Variants in SEPTIN14 observed in about 807,000 individuals in gnomAD.
SEPTIN14 encodes septin 14.
SEPTIN14 carries 40 observed loss-of-function variants against 53.6 expected under a neutral mutation model. The observed-to-expected ratio is 0.75, with a 90% CI of 0.58 to 0.97. The LOEUF is 0.97. SEPTIN14 is among the 50% of genes least tolerant of loss of function. The pLI is 0.00. For missense variants in SEPTIN14, 471 were observed against 508.2 expected (o/e 0.93, Z 0.70); for synonymous variants, 138 against 166.8 (o/e 0.83, Z 1.33).
At chr7:55,800,613 G>A (rs1788508510) in intron 9 of SEPTIN14, among the ~76,000 whole-genome samples, 1 of 144,390 alleles carries the variant, frequency 6.9e-6, no homozygotes, top group Non-Finnish European at 1.5e-5. Flanking sequence ...GACAGAGCGA[G>A]ACTTTGTCTC....
chr7:55,803,213 T>C (rs969052284), intron 9 of SEPTIN14, among the ~76,000 whole-genome samples: 10 of 152,122 alleles, frequency 6.6e-5, no homozygotes, highest in South Asian at 4.1e-4. Flanking sequence ...GCTGGGATTA[T>C]AGGCGAGAGC....
intron 5 of SEPTIN14, 112 bp from the exon 6 acceptor site, chr7:55,834,698 AGGG>A: frequency 2.6e-6 from 2 of 766,470 alleles, no homozygotes; most frequent in Non-Finnish European, 4.1e-6. Flanking sequence ...GCTGGAGTGC[AGGG>A]GCACGATCTC....
At chr7:55,860,096 T>C (rs557901135) in intron 2 of SEPTIN14, among the ~76,000 whole-genome samples, 7 of 144,758 alleles carry the variant, frequency 4.8e-5, no homozygotes, top group Non-Finnish European at 1.1e-4. Flanking sequence ...GGAGAATCAA[T>C]TGAACCTGGG....
chr7:55,836,324 A>G (rs191528242), intron 5 of SEPTIN14, among the ~76,000 whole-genome samples: 6 of 152,328 alleles, frequency 3.9e-5, no homozygotes, highest in African/African-American at 2.4e-5. Context: ...TATTACTGTT[A>G]AAATATCTTA....
intron 7 of SEPTIN14, among the ~76,000 whole-genome samples, chr7:55,811,761 A>G (rs939788415): frequency 6.6e-6 from 1 of 150,728 alleles, no homozygotes; most frequent in Non-Finnish European, 1.5e-5. Flanking sequence ...AGCCTCCTAA[A>G]GCACTGGGAT....
chr7:55,811,153 C>T, intron 7 of SEPTIN14: 2 of 495,140 alleles, frequency 4.0e-6, no homozygotes, highest in Admixed American at 4.6e-5. Flanking sequence ...GCTGCCTCTT[C>T]CAAGCCCTGT....
chr7:55,828,366 G>A (rs535308971), intron 6 of SEPTIN14, among the ~76,000 whole-genome samples: 10 of 148,102 alleles, frequency 6.8e-5, no homozygotes, highest in Non-Finnish European at 1.3e-4. Flanking sequence ...GTGCAGTGGC[G>A]CCATCTCAGC....
chr7:55,842,403 C>A (rs1224879802), intron 5 of SEPTIN14, among the ~76,000 whole-genome samples: 1 of 151,708 alleles, frequency 6.6e-6, no homozygotes, highest in African/African-American at 2.4e-5. Flanking sequence ...GCCAGAAGTT[C>A]AAGTTCAGCC....
intron 2 of SEPTIN14, among the ~76,000 whole-genome samples, chr7:55,857,588 T>TGTAGAACAAAAAATAA: frequency 1.6e-5 from 1 of 61,838 alleles, no homozygotes; most frequent in African/African-American, 6.8e-5. Context: ...GTGTCTTTTT[T>TGTAGAACAAAAAATAA]TTTTTTTTTT....
At chr7:55,842,546 T>A (rs1489916031) in intron 5 of SEPTIN14, among the ~76,000 whole-genome samples, 1 of 150,166 alleles carries the variant, frequency 6.7e-6, no homozygotes, top group East Asian at 2.0e-4. Context: ...GAGGCTGCAG[T>A]GAGCTATGAT....
intron 7 of SEPTIN14, among the ~76,000 whole-genome samples, chr7:55,809,770 T>TAA (rs71561969): frequency 6.6e-5 from 8 of 121,750 alleles, no homozygotes; most frequent in African/African-American, 1.8e-4. Context: ...AAATAAAAAT[T>TAA]AAAAAAAAAA....
At chr7:55,830,345 A>ACATTT (rs1554330066) in intron 6 of SEPTIN14, among the ~76,000 whole-genome samples, 2 of 40,104 alleles carry the variant, frequency 5.0e-5, no homozygotes, top group African/African-American at 3.9e-4. Flanking sequence ...ATATATATAT[A>ACATTT]TATATTTTTT....
At chr7:55,814,972 A>G (rs1231084424) in intron 7 of SEPTIN14, among the ~76,000 whole-genome samples, 1 of 152,166 alleles carries the variant, frequency 6.6e-6, no homozygotes, top group Non-Finnish European at 1.5e-5. Context: ...AGAATAGCGA[A>G]CCCAGAAATA....
At chr7:55,826,279 T>C (rs1368717408) in intron 6 of SEPTIN14, among the ~76,000 whole-genome samples, 1 of 152,210 alleles carries the variant, frequency 6.6e-6, no homozygotes, top group African/African-American at 2.4e-5. Flanking sequence ...CAGAACTTAC[T>C]GATTTTGCAA....
chr7:55,826,988 G>T (rs2116013037), intron 6 of SEPTIN14, among the ~76,000 whole-genome samples: 1 of 152,132 alleles, frequency 6.6e-6, no homozygotes, highest in Non-Finnish European at 1.5e-5. Context: ...CTGTGTGGGG[G>T]CCAGCCTGCC....
intron 6 of SEPTIN14, among the ~76,000 whole-genome samples, chr7:55,830,321 GTATATATATA>G (rs746498199): frequency 0.016 from 1,391 of 84,712 alleles, 93 homozygotes; most frequent in African/African-American, 0.065. Flanking sequence ...TTATCCAACT[GTATATATATA>G]TATATATATA....
chr7:55,852,768 A>G (rs1186707613), intron 2 of SEPTIN14, among the ~76,000 whole-genome samples: 2 of 152,228 alleles, frequency 1.3e-5, no homozygotes, highest in African/African-American at 4.8e-5. Flanking sequence ...TGAATGGGAG[A>G]AAATATTTGC....
Position 55,805,326 on chromosome 7 carries a change from C to A in SEPTIN14, c.1051G>T (p.Glu351Ter). ...CGCTGCATAAATCTCTGTTTCAACT[C>A]TTCTTCTTCCCTCTGACATTGATCA... ...FYDQCQREEE[E>*]LKQRFMQRVK... The change falls in exon 9 of 10, where the codon GAG (glutamate) becomes TAG (stop). Residue 351 changes from glutamate (E) to a stop codon, truncating the protein, a stop_gained. Transcript: ENST00000388975. LOFTEE classifies it high-confidence loss of function. 6.2e-7 allele frequency: 1 copy of A among 1,607,564 alleles called. No homozygotes were observed. Among genetic ancestry groups the A allele is most frequent in the Non-Finnish European group, 8.5e-7 (1 of 1,175,958 alleles).
intron 1 of SEPTIN14, 37 bp from the exon 2 acceptor site, chr7:55,862,048 CT>C: frequency 8.0e-7 from 1 of 1,250,516 alleles, no homozygotes. Flanking sequence ...TTAAAAATTT[CT>C]TACAAAGGCT....
Sources: allele counts gnomAD v4.1 joint callset (sites outside exome capture counted in the v4.1 genomes callset), GRCh38; gene constraint gnomAD v4.1.1; transcripts MANE v1.5; gene names NCBI Gene and HGNC (gene_info 2026-07-23, HGNC 2026-07-21).